PLCL1: variants seen among roughly 807,000 people sequenced by gnomAD.
The protein encoded by PLCL1 is phospholipase C like 1 (inactive), also known as inactive phospholipase C-like protein 1.
Under a neutral mutation model 84.4 loss-of-function variants are expected in PLCL1, and 41 were observed. The observed-to-expected ratio is 0.49, with a 90% CI of 0.38 to 0.63. PLCL1 has a LOEUF of 0.63. PLCL1 is among the 30% of genes least tolerant of loss of function. The pLI is 0.00. For synonymous variants in PLCL1, 490 were observed against 488.3 expected, an observed-to-expected ratio of 1.00 and a Z score of -0.05; for missense variants, 1,206 against 1,367.8, an observed-to-expected ratio of 0.88 and a Z score of 1.87.
At chr2:197,813,715 T>C (rs998104424) in intron 1 of PLCL1, among the ~76,000 whole-genome samples, 1 of 152,170 alleles carries the variant, frequency 6.6e-6, no homozygotes, top group African/African-American at 2.4e-5. Flanking sequence ...CCATATGATA[T>C]GCATATTATT....
intron 1 of PLCL1, among the ~76,000 whole-genome samples, chr2:198,032,562 AT>A (rs1047415631): frequency 3.9e-5 from 6 of 151,942 alleles, no homozygotes; most frequent in African/African-American, 9.6e-5. Flanking sequence ...ATAAATTAAC[AT>A]TTTTTTTAGG....
At chr2:198,138,542 AATTATT>A (rs1053857916) in intron 5 of PLCL1, among the ~76,000 whole-genome samples, 1 of 152,172 alleles carries the variant, frequency 6.6e-6, no homozygotes, top group Admixed American at 6.5e-5. Flanking sequence ...GATATTAATT[AATTATT>A]ATTATTTTTT....
chr2:197,887,650 T>C (rs147981158), intron 1 of PLCL1, among the ~76,000 whole-genome samples: 41 of 152,314 alleles, frequency 2.7e-4, no homozygotes, highest in East Asian at 2.5e-3. Flanking sequence ...TACATGAATA[T>C]ATTGGTAATC....
chr2:198,047,098 G>A (rs1190304597), intron 1 of PLCL1, among the ~76,000 whole-genome samples: 1 of 152,076 alleles, frequency 6.6e-6, no homozygotes, highest in African/African-American at 2.4e-5. Flanking sequence ...TCTAGAAATT[G>A]TGGGGTCAGA....
intron 5 of PLCL1, among the ~76,000 whole-genome samples, chr2:198,131,346 G>C (rs1041131395): frequency 1.3e-5 from 2 of 152,130 alleles, no homozygotes; most frequent in Admixed American, 6.6e-5. Flanking sequence ...ATCCCTGTAC[G>C]TATTCCCACA....
intron 1 of PLCL1, among the ~76,000 whole-genome samples, chr2:197,810,659 G>A (rs1304386425): frequency 6.6e-6 from 1 of 152,190 alleles, no homozygotes; most frequent in African/African-American, 2.4e-5. Context: ...CCTTACCTTG[G>A]TGCTACTGAA....
At chr2:198,113,882 C>A (rs186480839) in intron 5 of PLCL1, among the ~76,000 whole-genome samples, 1 of 151,674 alleles carries the variant, frequency 6.6e-6, no homozygotes, top group African/African-American at 2.4e-5. Flanking sequence ...ATATAATCTG[C>A]AGCGAAGTTT....
intron 5 of PLCL1, among the ~76,000 whole-genome samples, chr2:198,132,996 G>A (rs1419541016): frequency 2.0e-5 from 3 of 151,164 alleles, no homozygotes; most frequent in Admixed American, 6.6e-5. Flanking sequence ...ATCTTGAATT[G>A]ATTTTTGTAT....
At chr2:198,070,603 G>A (rs900450237) in intron 1 of PLCL1, among the ~76,000 whole-genome samples, 5 of 151,846 alleles carry the variant, frequency 3.3e-5, no homozygotes, top group African/African-American at 1.2e-4. Context: ...TTTACATATT[G>A]TATTAGAAGT....
intron 1 of PLCL1, among the ~76,000 whole-genome samples, chr2:197,814,969 A>G (rs934179703): frequency 4.6e-5 from 7 of 152,194 alleles, no homozygotes; most frequent in African/African-American, 1.7e-4. Context: ...TAAGGAAGGA[A>G]GCTATCTCTA....
intron 1 of PLCL1, among the ~76,000 whole-genome samples, chr2:197,809,588 G>A (rs540467827): frequency 1.3e-5 from 2 of 152,168 alleles, no homozygotes; most frequent in Non-Finnish European, 2.9e-5. Flanking sequence ...AAAAGACAGA[G>A]CAATCTGGCA....
At chr2:198,000,784 A>G (rs929696342) in intron 1 of PLCL1, among the ~76,000 whole-genome samples, 1 of 151,866 alleles carries the variant, frequency 6.6e-6, no homozygotes, top group Non-Finnish European at 1.5e-5. Context: ...GGAACTATTC[A>G]AACTTTTCAA....
chr2:197,907,387 T>C (rs1475823161), intron 1 of PLCL1, among the ~76,000 whole-genome samples: 1 of 152,110 alleles, frequency 6.6e-6, no homozygotes, highest in Non-Finnish European at 1.5e-5. Context: ...TACAGGCCTG[T>C]GCTACCACGC....
intron 1 of PLCL1, among the ~76,000 whole-genome samples, chr2:198,006,421 G>A (rs73058829): frequency 0.23 from 35,021 of 152,014 alleles, 4,168 homozygotes; most frequent in African/African-American, 0.3. Flanking sequence ...TCAGGTAAAG[G>A]AAGTATAACT....
intron 1 of PLCL1, among the ~76,000 whole-genome samples, chr2:198,048,665 A>C (rs1484604469): frequency 6.6e-6 from 1 of 152,146 alleles, no homozygotes; most frequent in African/African-American, 2.4e-5. Flanking sequence ...TCTCATGTGA[A>C]CTCATTACCA....
chr2:197,919,138 A>G (rs1016276714), intron 1 of PLCL1, among the ~76,000 whole-genome samples: 1 of 152,214 alleles, frequency 6.6e-6, no homozygotes, highest in Non-Finnish European at 1.5e-5. Context: ...GATCAAAAAT[A>G]TTGAAATGAA....
chr2:197,917,156 T>C (rs1025279323), intron 1 of PLCL1, among the ~76,000 whole-genome samples: 3 of 152,246 alleles, frequency 2.0e-5, no homozygotes, highest in African/African-American at 7.2e-5. Flanking sequence ...TCCTAGTTAT[T>C]TACCAAATGG....
At chr2:197,842,104 G>A (rs1687016589) in intron 1 of PLCL1, among the ~76,000 whole-genome samples, 1 of 152,128 alleles carries the variant, frequency 6.6e-6, no homozygotes. Flanking sequence ...AGGAATGCCT[G>A]TTAAATTTTG....
chr2:197,926,966 C>G (rs952916411), intron 1 of PLCL1, among the ~76,000 whole-genome samples: 2 of 152,038 alleles, frequency 1.3e-5, no homozygotes, highest in Admixed American at 1.3e-4. Context: ...TAGCTGGGAC[C>G]GCCTGAAGCT....
Sources: gnomAD v4.1 joint callset for allele counts (sites outside exome capture counted in the v4.1 genomes callset) on GRCh38, gnomAD v4.1.1 for gene constraint, MANE v1.5 for transcripts, NCBI Gene and HGNC (gene_info 2026-07-23, HGNC 2026-07-21) for gene names.